Variants in EML6 observed in about 807,000 individuals in gnomAD.
EML6 encodes EMAP like 6.
Under a neutral mutation model 240.1 loss-of-function variants are expected in EML6, and 154 were observed. That is an observed-to-expected ratio of 0.64 (90% confidence interval 0.56 to 0.73). The LOEUF (loss-of-function observed/expected upper bound fraction) is 0.73. EML6 is among the 30% of genes least tolerant of loss of function. The pLI is 0.00. For missense variants in EML6, 2,964 were observed against 2,474.6 expected (o/e 1.20, Z -4.20); for synonymous variants, 1,148 against 899.0 (o/e 1.28, Z -4.95).
chr2:54,949,431 T>C lies in EML6; in HGVS notation c.4083+471T>C, dbSNP rs568758371. Among the ~76,000 whole-genome samples, 49 of 152,334 alleles carry C rather than the reference T, an allele frequency of 3.2e-4. 1 individual carries two copies. The highest frequency in any genetic ancestry group is 2.9e-3 in the Admixed American group (44 of 15,296). On this transcript the variant is annotated intron_variant, in intron 29 of 41. Transcript: ENST00000356458. ...GGGACGCACCATTACTGTTTCCATTTTCCCGACGAGGACGCTGTGGCTGAG... is the reference window on the plus strand; with the variant it reads ...GGGACGCACCATTACTGTTTCCATTCTCCCGACGAGGACGCTGTGGCTGAG...
At chr2:54,887,346 A>G (rs1419343002) in intron 17 of EML6, among the ~76,000 whole-genome samples, 1 of 152,180 alleles carries the variant, frequency 6.6e-6, no homozygotes, top group Non-Finnish European at 1.5e-5. Context: ...TTTATAAACA[A>G]TTTTCCCTCG....
chr2:54,813,098 A>G (rs1168785883), intron 2 of EML6, 134 bp from the exon 3 acceptor site: 2 of 632,544 alleles, frequency 3.2e-6, no homozygotes, highest in East Asian at 5.6e-5. Flanking sequence ...GTAATTAATT[A>G]CTTTGGGGAC....
chr2:54,894,412 TA>T (rs1672649782), intron 19 of EML6, among the ~76,000 whole-genome samples: 1 of 152,204 alleles, frequency 6.6e-6, no homozygotes, highest in Non-Finnish European at 1.5e-5. Context: ...TTGAATGAAA[TA>T]GGATCGTTTC....
chr2:54,843,996 GT>G, intron 7 of EML6, 50 bp from the exon 8 acceptor site: 1 of 1,123,576 alleles, frequency 8.9e-7, no homozygotes, highest in African/African-American at 1.5e-5. Context: ...GTGTGTGTGT[GT>G]GTGTGTGAAT....
chr2:54,922,278 G>C (rs998927927), intron 26 of EML6, among the ~76,000 whole-genome samples: 3 of 152,166 alleles, frequency 2.0e-5, no homozygotes, highest in Admixed American at 2.0e-4. Context: ...AGAAGACATA[G>C]AAATGGCCAA....
chr2:54,798,747 A>G lies in EML6; in HGVS notation c.198-14485A>G, dbSNP rs543870836. 2.6e-5 allele frequency among the ~76,000 whole-genome samples: 4 copies of G among 152,326 alleles called. No homozygotes were observed. In the South Asian group the frequency reaches 8.3e-4, roughly 32 times the overall value. On this transcript the variant is annotated intron_variant, in intron 2 of 41. Coordinates refer to ENST00000356458, the MANE Select transcript of EML6 (RefSeq NM_001039753.4). ...ATATCATCTGTGAGTAGACAGTTTT[A>G]CTACTTATTTTCCAATCTTTATACC...
chr2:54,852,941 G>A (rs909398120), intron 10 of EML6, among the ~76,000 whole-genome samples: 1 of 152,298 alleles, frequency 6.6e-6, no homozygotes, highest in East Asian at 1.9e-4. Context: ...ACTGGGTAGT[G>A]GGCCATCCCC....
chr2:54,907,951 AGATAGAT>A (rs1673430967), intron 24 of EML6, among the ~76,000 whole-genome samples: 54 of 23,588 alleles, frequency 2.3e-3, no homozygotes, highest in Middle Eastern at 0.029. Flanking sequence ...TAGATAAGAT[AGATAGAT>A]AGATAGATAG....
intron 33 of EML6, among the ~76,000 whole-genome samples, chr2:54,958,425 C>G (rs1343805214): frequency 3.3e-5 from 5 of 152,144 alleles, no homozygotes; most frequent in East Asian, 1.9e-4. Flanking sequence ...CTCCTGACCT[C>G]AGGTGATCCG....
At chr2:54,874,517 T>C (rs1299928135) in intron 16 of EML6, among the ~76,000 whole-genome samples, 1 of 152,114 alleles carries the variant, frequency 6.6e-6, no homozygotes, top group Admixed American at 6.5e-5. Context: ...TTTCAGCAAA[T>C]GTGTTGTTTT....
chr2:54,787,395 G>T (rs1160429512), intron 2 of EML6, among the ~76,000 whole-genome samples: 1 of 152,124 alleles, frequency 6.6e-6, no homozygotes, highest in Non-Finnish European at 1.5e-5. Context: ...GTTATGAAAA[G>T]ATTGAATTGT....
intron 17 of EML6, among the ~76,000 whole-genome samples, chr2:54,886,581 C>T (rs950682179): frequency 6.6e-6 from 1 of 152,186 alleles, no homozygotes; most frequent in Non-Finnish European, 1.5e-5. Context: ...AAACACAGGC[C>T]TCCAACTTCT....
intron 11 of EML6, among the ~76,000 whole-genome samples, chr2:54,854,860 A>G (rs557539024): frequency 1.2e-4 from 18 of 152,382 alleles, no homozygotes; most frequent in Middle Eastern, 3.4e-3. Flanking sequence ...AATAGGGCAT[A>G]TCTTGTTAGA....
chr2:54,731,470 T>A (rs72913532), intron 2 of EML6, among the ~76,000 whole-genome samples: 6,713 of 152,128 alleles, frequency 0.044, 404 homozygotes, highest in African/African-American at 0.14. Flanking sequence ...GGAGACCCCA[T>A]TGCTACAAAA....
At chr2:54,796,143 T>C (rs1008287377) in intron 2 of EML6, among the ~76,000 whole-genome samples, 4 of 152,200 alleles carry the variant, frequency 2.6e-5, no homozygotes, top group African/African-American at 4.8e-5. Context: ...ATCCGTCTAA[T>C]AGTATATAAG....
intron 28 of EML6, among the ~76,000 whole-genome samples, chr2:54,938,188 A>G (rs1675248826): frequency 6.6e-6 from 1 of 152,218 alleles, no homozygotes; most frequent in African/African-American, 2.4e-5. Flanking sequence ...TCTACTAAAA[A>G]TACAAAAATT....
Position 54,877,322 on chromosome 2 carries a change from C to G in EML6, c.2345-2225C>G, listed in dbSNP as rs554305389. Among the ~76,000 whole-genome samples, 8 of 152,228 alleles carry G rather than the reference C, an allele frequency of 5.3e-5. No homozygotes were observed. In the South Asian group the frequency reaches 1.7e-3, roughly 32 times the overall value. On this transcript the variant is annotated intron_variant, in intron 16 of 41. Transcript: ENST00000356458. ...CTATATAACGTAGTACATTCTATTT[C>G]AATTTATACCATCCACAGGCATATT...
intron 7 of EML6, among the ~76,000 whole-genome samples, chr2:54,833,942 G>T (rs186273283): frequency 2.6e-5 from 4 of 152,130 alleles, no homozygotes; most frequent in African/African-American, 9.7e-5. Context: ...TATATATTTT[G>T]TTATAGAAAT....
In EML6 at chr2:54,964,171, GTGGTC is replaced by G. The variant is rs1261978416; in HGVS notation, c.5330+17_5330+21del. On this transcript the variant is annotated intron_variant, in intron 37 of 41. Coordinates refer to ENST00000356458, the MANE Select transcript of EML6 (RefSeq NM_001039753.4). ...TCCAAGATATCAGGTACCTAAGTGG[GTGGTC>G]TGGGCATGGAGGAGAAAGGCAAGCA... The G allele has an allele frequency of 6.4e-7, 1 of 1,550,524 alleles. No homozygotes were observed. The highest frequency in any genetic ancestry group is 8.7e-7 in the Non-Finnish European group (1 of 1,146,418).
Sources: gnomAD v4.1 joint callset for allele counts (sites outside exome capture counted in the v4.1 genomes callset) on GRCh38, gnomAD v4.1.1 for gene constraint, MANE v1.5 for transcripts, NCBI Gene and HGNC (gene_info 2026-07-23, HGNC 2026-07-21) for gene names.